The following FANCC variants were observed in gnomAD, a reference collection of about 807,000 sequenced individuals.
FANCC encodes the protein FA complementation group C, also known as Fanconi anemia group C protein.
In FANCC, 55 loss-of-function variants were observed where a neutral mutation model predicts 71.3. That is an observed-to-expected ratio of 0.77 (90% CI 0.62 to 0.97). The LOEUF is 0.97. FANCC is among the 50% of genes least tolerant of loss of function. FANCC has a pLI of 0.00. For synonymous variants in FANCC, 275 were observed against 244.9 expected (o/e 1.12, Z -1.15); for missense variants, 678 against 670.9 (o/e 1.01, Z -0.12).
intron 4 of FANCC, among the ~76,000 whole-genome samples, chr9:95,172,957 CAACA>C (rs1825776481): frequency 6.6e-6 from 1 of 152,018 alleles, no homozygotes; most frequent in South Asian, 2.1e-4. Flanking sequence ...AGAATGTTAA[CAACA>C]AACAGTACAG....
At chr9:95,205,576 A>G (rs1828072117) in intron 4 of FANCC, among the ~76,000 whole-genome samples, 1 of 151,872 alleles carries the variant, frequency 6.6e-6, no homozygotes, top group Admixed American at 6.6e-5. Flanking sequence ...AAAAAAAAAC[A>G]CTTTCAGAGA....
At chr9:95,286,352 C>T (rs1485277163) in intron 1 of FANCC, among the ~76,000 whole-genome samples, 1 of 152,116 alleles carries the variant, frequency 6.6e-6, no homozygotes, top group African/African-American at 2.4e-5. Context: ...GTATCCTAGG[C>T]CAATACGTGG....
chr9:95,241,004 T>C (rs1830597948), intron 3 of FANCC, among the ~76,000 whole-genome samples: 1 of 152,226 alleles, frequency 6.6e-6, no homozygotes, highest in Admixed American at 6.5e-5. Context: ...TTGTCCTTCT[T>C]GTGGCCTTGG....
chr9:95,274,664 T>C (rs1175000754), intron 1 of FANCC, among the ~76,000 whole-genome samples: 1 of 152,230 alleles, frequency 6.6e-6, no homozygotes, highest in Non-Finnish European at 1.5e-5. Flanking sequence ...CAAGGAACCA[T>C]TTTTAAATTT....
intron 11 of FANCC, among the ~76,000 whole-genome samples, chr9:95,115,338 TTTC>T (rs1301202851): frequency 3.9e-5 from 6 of 152,168 alleles, no homozygotes. Context: ...ATGCCCTAGG[TTTC>T]TTCTTTTCTA....
intron 4 of FANCC, among the ~76,000 whole-genome samples, chr9:95,224,075 C>A (rs545243285): frequency 6.6e-6 from 1 of 152,326 alleles, no homozygotes. Flanking sequence ...CTCTCACAAA[C>A]CAGCATTTGG....
chr9:95,295,302 A>C (rs968884199), intron 1 of FANCC, among the ~76,000 whole-genome samples: 1 of 152,212 alleles, frequency 6.6e-6, no homozygotes, highest in African/African-American at 2.4e-5. Flanking sequence ...GAAGGTGTTA[A>C]TATCCAGAAT....
chr9:95,268,440 G>A (rs1426392612), intron 1 of FANCC, among the ~76,000 whole-genome samples: 2 of 152,194 alleles, frequency 1.3e-5, no homozygotes, highest in African/African-American at 2.4e-5. Flanking sequence ...TGAACTCGAT[G>A]GCTTTCACCT....
chr9:95,271,633 A>C (rs562561107), intron 1 of FANCC, among the ~76,000 whole-genome samples: 1 of 152,232 alleles, frequency 6.6e-6, no homozygotes, highest in Admixed American at 6.5e-5. Context: ...GTAATTTGCT[A>C]TAACAGCTTC....
At chr9:95,245,668 G>A (rs938490943) in intron 3 of FANCC, among the ~76,000 whole-genome samples, 4 of 151,834 alleles carry the variant, frequency 2.6e-5, no homozygotes, top group African/African-American at 4.8e-5. Context: ...AGGTCGAGGC[G>A]GGTGAATCGC....
chr9:95,152,147 ATT>A (rs1472046918), intron 6 of FANCC, among the ~76,000 whole-genome samples: 1 of 152,152 alleles, frequency 6.6e-6, no homozygotes, highest in African/African-American at 2.4e-5. Context: ...TCTTCAGAGA[ATT>A]TGTTTATATA....
chr9:95,313,288 G>A (rs1045687787), intron 1 of FANCC, among the ~76,000 whole-genome samples: 8 of 152,216 alleles, frequency 5.3e-5, no homozygotes, highest in East Asian at 3.9e-4. Flanking sequence ...CACTATGGGA[G>A]CTCCGCCCTG....
chr9:95,283,885 C>G (rs1449058071), intron 1 of FANCC, among the ~76,000 whole-genome samples: 1 of 152,208 alleles, frequency 6.6e-6, no homozygotes, highest in Non-Finnish European at 1.5e-5. Flanking sequence ...TGAATCCCTA[C>G]TCTATAACAT....
At chr9:95,209,470 T>C (rs995344387) in intron 4 of FANCC, among the ~76,000 whole-genome samples, 1 of 152,204 alleles carries the variant, frequency 6.6e-6, no homozygotes, top group Non-Finnish European at 1.5e-5. Flanking sequence ...AGGCTGTGCA[T>C]GTGTAGGAAT....
At chr9:95,193,516 A>AT (rs772332511) in intron 4 of FANCC, among the ~76,000 whole-genome samples, 1 of 152,196 alleles carries the variant, frequency 6.6e-6, no homozygotes, top group Non-Finnish European at 1.5e-5. Context: ...ATTTGAGATT[A>AT]TTTTGTGAAC....
chr9:95,315,599 CTGTATGTATTT>C (rs1489344271), intron 1 of FANCC, among the ~76,000 whole-genome samples: 1 of 152,212 alleles, frequency 6.6e-6, no homozygotes. Flanking sequence ...GGTGCTTCTC[CTGTATGTATTT>C]TTTCACATTA....
At chr9:95,293,205 A>G in intron 1 of FANCC, 2 of 1,612,432 alleles carry the variant, frequency 1.2e-6, no homozygotes, top group Non-Finnish European at 1.7e-6. Context: ...TCACCGAGAT[A>G]GCCTCAAAAG....
At chr9:95,222,807 G>C (rs1829364511) in intron 4 of FANCC, among the ~76,000 whole-genome samples, 1 of 152,004 alleles carries the variant, frequency 6.6e-6, no homozygotes, top group Non-Finnish European at 1.5e-5. Context: ...TCCAATTTCA[G>C]TCTGATGCAT....
intron 4 of FANCC, among the ~76,000 whole-genome samples, chr9:95,237,087 T>C (rs1219559718): frequency 6.6e-6 from 1 of 152,232 alleles, no homozygotes; most frequent in Non-Finnish European, 1.5e-5. Flanking sequence ...AAATAATTAA[T>C]ATGTTAATAA....
Sources: gnomAD v4.1 joint callset for allele counts (sites outside exome capture counted in the v4.1 genomes callset) on GRCh38, gnomAD v4.1.1 for gene constraint, MANE v1.5 for transcripts, NCBI Gene and HGNC (gene_info 2026-07-23, HGNC 2026-07-21) for gene names.